Variants in CAST observed in about 807,000 individuals in gnomAD.
CAST encodes the protein calpastatin.
In CAST, 76 loss-of-function variants were observed where a neutral mutation model predicts 119.6. The observed-to-expected ratio is 0.64, with a 90% confidence interval of 0.53 to 0.77. The LOEUF is 0.77. CAST is among the 30% of genes least tolerant of loss of function. The pLI is 0.00. For missense variants in CAST, 953 were observed against 946.5 expected (o/e 1.01, Z -0.09); for synonymous variants, 319 against 331.6 (o/e 0.96, Z 0.41).
chr5:96,258,859 A>G, the CAST span, among the ~76,000 whole-genome samples: 2 of 152,388 alleles, frequency 1.3e-5, no homozygotes, highest in South Asian at 4.1e-4. Context: ...GAAGAGTATA[A>G]CAGGTGAAAA....
chr5:96,430,042 C>T, the CAST span, among the ~76,000 whole-genome samples: 17 of 152,124 alleles, frequency 1.1e-4, no homozygotes, highest in Non-Finnish European at 1.0e-4. Flanking sequence ...AATAAATTAT[C>T]GTTGTTATAA....
the CAST span, among the ~76,000 whole-genome samples, chr5:96,205,752 A>C: frequency 6.6e-6 from 1 of 152,084 alleles, no homozygotes; most frequent in Non-Finnish European, 1.5e-5. Context: ...GGTCTTTGCT[A>C]TTCTGAATAG....
chr5:96,696,024 A>G (rs1412866151), intron 3 of CAST, 117 bp downstream of exon 3: 4 of 528,404 alleles, frequency 7.6e-6, no homozygotes, highest in South Asian at 3.4e-5. Flanking sequence ...GTTTTTTAAC[A>G]AAGTATCATT....
At chr5:96,458,948 C>A in the CAST span, among the ~76,000 whole-genome samples, 1 of 152,020 alleles carries the variant, frequency 6.6e-6, no homozygotes, top group Non-Finnish European at 1.5e-5. Flanking sequence ...TATTGATTAC[C>A]TTTATTTATG....
chr5:96,662,907 G>A (rs930338720), intron 1 of CAST: 2 of 580,734 alleles, frequency 3.4e-6, no homozygotes, highest in Non-Finnish European at 6.1e-6. Context: ...GAGACGCAGA[G>A]CCTCTTCCCT....
intron 9 of CAST, 80 bp downstream of exon 9, chr5:96,730,940 C>T: frequency 9.0e-7 from 1 of 1,115,102 alleles, no homozygotes; most frequent in Non-Finnish European, 1.4e-6. Context: ...GCTCAAATAA[C>T]CTATCATCTG....
At chr5:96,219,048 C>T in the CAST span, among the ~76,000 whole-genome samples, 4 of 152,072 alleles carry the variant, frequency 2.6e-5, no homozygotes, top group East Asian at 1.9e-4. Context: ...AGAACAGCTA[C>T]GTAGTATATG....
the CAST span, among the ~76,000 whole-genome samples, chr5:96,255,655 C>A: frequency 6.6e-6 from 1 of 151,982 alleles, no homozygotes. Context: ...TGAATGAAGT[C>A]ATGAAGTCTG....
the CAST span, among the ~76,000 whole-genome samples, chr5:96,288,987 A>G: frequency 1.3e-5 from 2 of 152,076 alleles, no homozygotes; most frequent in Admixed American, 6.6e-5. Context: ...TTTGCAATCA[A>G]TAGTTTGGAT....
the CAST span, among the ~76,000 whole-genome samples, chr5:96,019,545 G>A: frequency 6.6e-6 from 1 of 152,022 alleles, no homozygotes; most frequent in Non-Finnish European, 1.5e-5. Context: ...TGACTATTGA[G>A]TGACAAAATG....
chr5:96,370,576 A>G, the CAST span, among the ~76,000 whole-genome samples: 2 of 152,078 alleles, frequency 1.3e-5, no homozygotes, highest in African/African-American at 4.8e-5. Context: ...ACTGAAATTC[A>G]CAGGCATAGC....
the CAST span, among the ~76,000 whole-genome samples, chr5:96,018,407 G>A: frequency 3.0e-4 from 46 of 151,884 alleles, no homozygotes; most frequent in Non-Finnish European, 6.0e-4. Context: ...TTACTGTTGA[G>A]CATACAAGGT....
At chr5:96,544,834 A>G (rs1745976888) in intron 1 of CAST, among the ~76,000 whole-genome samples, 1 of 151,742 alleles carries the variant, frequency 6.6e-6, no homozygotes, top group South Asian at 2.1e-4. Flanking sequence ...GTGGATAAAA[A>G]AAAAACACAA....
the CAST span, among the ~76,000 whole-genome samples, chr5:96,405,915 G>A: frequency 1.3e-5 from 2 of 152,146 alleles, no homozygotes; most frequent in African/African-American, 4.8e-5. Flanking sequence ...AGAGAAGAAA[G>A]GCTCTAGACA....
At chr5:96,485,158 G>A in the CAST span, among the ~76,000 whole-genome samples, 1 of 152,154 alleles carries the variant, frequency 6.6e-6, no homozygotes, top group South Asian at 2.1e-4. Flanking sequence ...ATGTCACAGA[G>A]GATAGGCCAT....
the CAST span, among the ~76,000 whole-genome samples, chr5:96,144,205 T>TA: frequency 1.3e-5 from 2 of 152,204 alleles, no homozygotes; most frequent in African/African-American, 4.8e-5. Context: ...AAGTTATCAT[T>TA]AAGAATTTTG....
chr5:96,295,569 A>G, the CAST span, among the ~76,000 whole-genome samples: 1 of 152,226 alleles, frequency 6.6e-6, no homozygotes, highest in Admixed American at 6.5e-5. Context: ...TTACTAACTT[A>G]GTCATCTCTG....
At chr5:96,004,092 T>G in the CAST span, among the ~76,000 whole-genome samples, 2 of 152,296 alleles carry the variant, frequency 1.3e-5, no homozygotes, top group East Asian at 3.9e-4. Flanking sequence ...AGATGTAAGT[T>G]GATTTGGGCT....
the CAST span, among the ~76,000 whole-genome samples, chr5:96,458,157 G>C: frequency 0.15 from 22,022 of 151,822 alleles, 1,664 homozygotes; most frequent in African/African-American, 0.17. Context: ...TTTTAAAATA[G>C]TTGAAAAAAA....
Sources: allele counts gnomAD v4.1 joint callset (sites outside exome capture counted in the v4.1 genomes callset), GRCh38; gene constraint gnomAD v4.1.1; transcripts MANE v1.5; gene names NCBI Gene and HGNC (gene_info 2026-07-23, HGNC 2026-07-21).